Variants in RIMS1 observed in about 807,000 individuals in gnomAD.
RIMS1 encodes regulating synaptic membrane exocytosis protein 1.
RIMS1 carries 83 observed loss-of-function variants against 214.1 expected under a neutral mutation model. That is an observed-to-expected ratio of 0.39 (90% CI 0.32 to 0.47). RIMS1 has a LOEUF of 0.47. RIMS1 is among the 20% of genes least tolerant of loss of function. The pLI, the probability that RIMS1 is intolerant of heterozygous loss-of-function variation, is 0.99. For missense variants in RIMS1, 2,050 were observed against 2,161.8 expected (o/e 0.95, Z 1.03); for synonymous variants, 793 against 786.8 (o/e 1.01, Z -0.13).
At chr6:72,051,527 G>A (rs955137435) in intron 2 of RIMS1, among the ~76,000 whole-genome samples, 5 of 152,096 alleles carry the variant, frequency 3.3e-5, no homozygotes, top group African/African-American at 1.2e-4. Context: ...TCCTCTTGAC[G>A]CTTGTTAGAT....
At chr6:72,146,680 T>C (rs2042800658) in intron 4 of RIMS1, among the ~76,000 whole-genome samples, 1 of 152,226 alleles carries the variant, frequency 6.6e-6, no homozygotes, top group Non-Finnish European at 1.5e-5. Flanking sequence ...TTCCACACCT[T>C]GTTCAAACCT....
intron 2 of RIMS1, among the ~76,000 whole-genome samples, chr6:72,095,654 G>T (rs1188169498): frequency 1.3e-5 from 2 of 152,192 alleles, no homozygotes; most frequent in Non-Finnish European, 2.9e-5. Flanking sequence ...CAGAAGTTCT[G>T]CTTAAGAGCT....
At chr6:72,370,986 G>A (rs923440742) in intron 29 of RIMS1, among the ~76,000 whole-genome samples, 9 of 152,174 alleles carry the variant, frequency 5.9e-5, no homozygotes, top group Non-Finnish European at 1.2e-4. Context: ...AAACGGATAT[G>A]AGAAAATCTG....
chr6:72,004,771 C>A (rs1166788219), intron 2 of RIMS1, among the ~76,000 whole-genome samples: 1 of 151,664 alleles, frequency 6.6e-6, no homozygotes, highest in Non-Finnish European at 1.5e-5. Context: ...TGGATATTAG[C>A]CCTTTGTCAG....
chr6:71,892,584 G>A (rs914847468), intron 1 of RIMS1, among the ~76,000 whole-genome samples: 1 of 151,984 alleles, frequency 6.6e-6, no homozygotes, highest in African/African-American at 2.4e-5. Context: ...TTATCTGCTT[G>A]CTGTTTTGCC....
chr6:72,277,071 C>T (rs1374325142), intron 23 of RIMS1, among the ~76,000 whole-genome samples: 1 of 152,146 alleles, frequency 6.6e-6, no homozygotes, highest in Non-Finnish European at 1.5e-5. Flanking sequence ...CATTGTAATG[C>T]AGAACGTAAA....
chr6:72,130,904 G>T (rs986210719), intron 4 of RIMS1, among the ~76,000 whole-genome samples: 1 of 152,040 alleles, frequency 6.6e-6, no homozygotes, highest in African/African-American at 2.4e-5. Context: ...TTATCAAAAA[G>T]CCTTGAGAGA....
At chr6:71,915,518 C>T (rs2150670199) in intron 1 of RIMS1, among the ~76,000 whole-genome samples, 1 of 152,278 alleles carries the variant, frequency 6.6e-6, no homozygotes, top group Middle Eastern at 3.4e-3. Flanking sequence ...CCTAGTATCC[C>T]TTGCTCCACA....
In RIMS1 at chr6:71,886,896, CGCTGCTCCTCCTCCTGCCGCCGCCGCT is replaced by C. The variant is rs1273769189; in HGVS notation, c.-127_-101del. 3.9e-6 allele frequency: 4 copies of C among 1,024,198 alleles called. No homozygotes were observed. Among genetic ancestry groups the C allele is most frequent in the African/African-American group, 1.6e-5 (1 of 62,258 alleles). The allele number at this position is 1,024,198 out of a possible 1,614,324, so 63.4% of individuals were successfully genotyped here. On this transcript the variant is annotated 5_prime_UTR_variant, in exon 1 of 34. Coordinates refer to ENST00000521978, the MANE Select transcript of RIMS1 (RefSeq NM_014989.7). ...CTGCTGCTGCTGCTGCCGCCGCCGC[CGCTGCTCCTCCTCCTGCCGCCGCCGCT>C]AGGGCTCCGCTGTGAGGGGGAAGCA...
intron 4 of RIMS1, among the ~76,000 whole-genome samples, chr6:72,117,758 T>G (rs924941333): frequency 3.9e-5 from 6 of 151,984 alleles, no homozygotes; most frequent in Non-Finnish European, 7.4e-5. Context: ...TATCAAAACC[T>G]CTGGGATACG....
intron 28 of RIMS1, among the ~76,000 whole-genome samples, chr6:72,318,610 A>G (rs1213622675): frequency 6.6e-6 from 1 of 151,932 alleles, no homozygotes; most frequent in African/African-American, 2.4e-5. Flanking sequence ...TTTGCTAACC[A>G]TTTTTCGTGC....
intron 29 of RIMS1, among the ~76,000 whole-genome samples, chr6:72,381,816 C>T (rs2098495047): frequency 6.6e-6 from 1 of 152,066 alleles, no homozygotes; most frequent in Non-Finnish European, 1.5e-5. Context: ...CATGGAAGAG[C>T]TGAAAATAAA....
intron 2 of RIMS1, among the ~76,000 whole-genome samples, chr6:72,074,081 G>A (rs562435739): frequency 2.0e-5 from 3 of 152,134 alleles, no homozygotes; most frequent in Admixed American, 6.6e-5. Flanking sequence ...AAGAGTCCAT[G>A]ACACAAAAAT....
At chr6:71,919,429 G>A (rs750307918) in intron 1 of RIMS1, among the ~76,000 whole-genome samples, 1 of 152,100 alleles carries the variant, frequency 6.6e-6, no homozygotes, top group Non-Finnish European at 1.5e-5. Context: ...ATTATGGGTG[G>A]GAAGATTATC....
At chr6:72,327,862 A>G (rs2096532543) in intron 28 of RIMS1, among the ~76,000 whole-genome samples, 1 of 151,820 alleles carries the variant, frequency 6.6e-6, no homozygotes, top group Non-Finnish European at 1.5e-5. Flanking sequence ...GCATTTTTAA[A>G]GTATTAGAAG....
rs1254848205 is a variant in RIMS1 at position 72,149,797 on chromosome 6, G to A, written c.472-29778G>A. ...CACAGCCAGCAACATCCTTGATTGA[G>A]CCTTTCTTGGCCCTAGGCCTGCTGC... On this transcript the variant is annotated intron_variant, in intron 4 of 33. Transcript: ENST00000521978. Among the ~76,000 whole-genome samples the A allele has an allele frequency of 2.0e-5, 3 of 152,182 alleles. No homozygotes were observed. The East Asian group carries it at 5.8e-4, about 29-fold the overall frequency.
At chr6:71,920,585 G>A (rs147871550) in intron 1 of RIMS1, among the ~76,000 whole-genome samples, 59 of 152,128 alleles carry the variant, frequency 3.9e-4, no homozygotes, top group African/African-American at 1.3e-3. Context: ...TTAATTAGTG[G>A]GTACTCTGTT....
At chr6:72,015,655 G>A (rs957492566) in intron 2 of RIMS1, among the ~76,000 whole-genome samples, 16 of 151,908 alleles carry the variant, frequency 1.1e-4, no homozygotes, top group African/African-American at 3.1e-4. Context: ...GGCCAGGCGC[G>A]GTGGCTCATG....
At chr6:72,128,930 C>A (rs966823360) in intron 4 of RIMS1, among the ~76,000 whole-genome samples, 3 of 152,104 alleles carry the variant, frequency 2.0e-5, no homozygotes, top group African/African-American at 7.2e-5. Context: ...CTTTAATATT[C>A]CCACATTGCA....
Sources: allele counts gnomAD v4.1 joint callset (sites outside exome capture counted in the v4.1 genomes callset), GRCh38; gene constraint gnomAD v4.1.1; transcripts MANE v1.5; gene names NCBI Gene and HGNC (gene_info 2026-07-23, HGNC 2026-07-21).